ADGRL3: variants seen among roughly 807,000 people sequenced by gnomAD.
ADGRL3 encodes adhesion G protein-coupled receptor L3.
ADGRL3 carries 62 observed loss-of-function variants against 153.5 expected under a neutral mutation model. The ratio of observed to expected loss-of-function variants is 0.40; its 90% CI spans 0.33 to 0.50. The LOEUF (loss-of-function observed/expected upper bound fraction) is 0.50, where lower values mean the gene tolerates loss of function less well. Ranked by LOEUF, ADGRL3 falls within the 20% of genes least tolerant of loss-of-function variation. The pLI is 0.47. For synonymous variants in ADGRL3, 710 were observed against 672.5 expected, an observed-to-expected ratio of 1.06 and a Z score of -0.86; for missense variants, 1,641 against 1,859.4, an observed-to-expected ratio of 0.88 and a Z score of 2.16.
At chr4:61,491,224 C>T (rs1424465493) in intron 2 of ADGRL3, among the ~76,000 whole-genome samples, 4 of 152,136 alleles carry the variant, frequency 2.6e-5, no homozygotes, top group Non-Finnish European at 4.4e-5. Flanking sequence ...TCTGTCACTT[C>T]GTAGGGCATG....
chr4:61,644,793 T>C (rs947131084), intron 5 of ADGRL3, among the ~76,000 whole-genome samples: 4 of 152,200 alleles, frequency 2.6e-5, no homozygotes, highest in Admixed American at 2.0e-4. Flanking sequence ...TGGAGATGTC[T>C]ATTATGTCCG....
At chr4:61,748,741 T>C (rs1423038941) in intron 8 of ADGRL3, among the ~76,000 whole-genome samples, 2 of 152,098 alleles carry the variant, frequency 1.3e-5, no homozygotes, top group Non-Finnish European at 2.9e-5. Flanking sequence ...ATGTTAGACC[T>C]AAAATCATAA....
chr4:61,770,177 T>C (rs2097066526), intron 8 of ADGRL3, among the ~76,000 whole-genome samples: 1 of 152,250 alleles, frequency 6.6e-6, no homozygotes, highest in Admixed American at 6.5e-5. Context: ...ATTGTATTTC[T>C]GGAAAATGGG....
intron 1 of ADGRL3, among the ~76,000 whole-genome samples, chr4:61,230,090 T>C (rs1328921956): frequency 6.6e-6 from 1 of 152,124 alleles, no homozygotes; most frequent in Non-Finnish European, 1.5e-5. Context: ...AGGGTCACCC[T>C]AGCTACAAGG....
At chr4:61,371,267 G>A (rs2096523195) in intron 1 of ADGRL3, among the ~76,000 whole-genome samples, 1 of 151,352 alleles carries the variant, frequency 6.6e-6, no homozygotes, top group Non-Finnish European at 1.5e-5. Context: ...ATTTGATCCT[G>A]TCATTATGAT....
intron 1 of ADGRL3, among the ~76,000 whole-genome samples, chr4:61,371,794 G>A (rs1005504933): frequency 6.6e-6 from 1 of 152,082 alleles, no homozygotes; most frequent in African/African-American, 2.4e-5. Context: ...CTAGATTGGG[G>A]AAATTCTCCT....
chr4:61,717,506 T>C (rs2096145085), intron 6 of ADGRL3, among the ~76,000 whole-genome samples: 1 of 152,174 alleles, frequency 6.6e-6, no homozygotes. Flanking sequence ...GAGCAAGTAA[T>C]TTAATGTCTC....
chr4:61,907,368 C>T (rs1190392295), intron 11 of ADGRL3, among the ~76,000 whole-genome samples: 2 of 152,030 alleles, frequency 1.3e-5, no homozygotes, highest in Non-Finnish European at 2.9e-5. Context: ...AAGCAATTTT[C>T]CTACCTCAGT....
intron 2 of ADGRL3, among the ~76,000 whole-genome samples, chr4:61,491,402 A>C (rs191355140): frequency 6.6e-6 from 1 of 152,270 alleles, no homozygotes; most frequent in Non-Finnish European, 1.5e-5. Context: ...TTAAATTTCT[A>C]AGAAATGCTT....
At chr4:61,355,762 G>A (rs2096152806) in intron 1 of ADGRL3, among the ~76,000 whole-genome samples, 1 of 152,000 alleles carries the variant, frequency 6.6e-6, no homozygotes, top group African/African-American at 2.4e-5. Flanking sequence ...TCCTATGGGA[G>A]TTATAGATCT....
chr4:61,509,638 A>G (rs2098452429), intron 3 of ADGRL3, among the ~76,000 whole-genome samples: 1 of 151,790 alleles, frequency 6.6e-6, no homozygotes. Flanking sequence ...GTATATATAT[A>G]TATATAATTT....
intron 23 of ADGRL3, 35 bp from the exon 24 acceptor site, chr4:62,037,696 T>A (rs374269122): frequency 1.1e-5 from 18 of 1,612,744 alleles, no homozygotes; most frequent in Non-Finnish European, 1.5e-5. Flanking sequence ...TGCAATGAAT[T>A]ACTTGCTAAC....
intron 12 of ADGRL3, among the ~76,000 whole-genome samples, chr4:61,912,355 C>T (rs1029493693): frequency 1.3e-5 from 2 of 152,182 alleles, no homozygotes; most frequent in South Asian, 2.1e-4. Flanking sequence ...ATTTCCTTAA[C>T]TTCATGTCTT....
Position 62,028,089 on chromosome 4 carries a change from G to A in ADGRL3, c.3396-766G>A, listed in dbSNP as rs566068253. On this transcript the variant is annotated intron_variant, in intron 21 of 26. Transcript: ENST00000683033. ...ATCTTGCCTCTGGCAAGAGAGAAGAGAAAGGAACAGTTTCTCTTCTTTCTT... is the reference window on the plus strand; with the variant it reads ...ATCTTGCCTCTGGCAAGAGAGAAGAAAAAGGAACAGTTTCTCTTCTTTCTT... Among the ~76,000 whole-genome samples the A allele has an allele frequency of 9.9e-5, 15 of 151,836 alleles. 1 individual carries two copies. In the East Asian group the frequency reaches 1.2e-3, roughly 12 times the overall value.
intron 8 of ADGRL3, among the ~76,000 whole-genome samples, chr4:61,800,243 G>A (rs1254368644): frequency 2.0e-5 from 3 of 152,106 alleles, no homozygotes; most frequent in Non-Finnish European, 4.4e-5. Context: ...GTATATATGG[G>A]ATATATAGAT....
At chr4:61,681,919 T>C (rs1561055567) in intron 6 of ADGRL3, among the ~76,000 whole-genome samples, 1 of 151,980 alleles carries the variant, frequency 6.6e-6, no homozygotes, top group African/African-American at 2.4e-5. Context: ...TTCCAGTGCC[T>C]TTTTCTGCTT....
chr4:61,393,596 A>G (rs892237746), intron 2 of ADGRL3, among the ~76,000 whole-genome samples: 2 of 152,152 alleles, frequency 1.3e-5, no homozygotes, highest in South Asian at 2.1e-4. Context: ...AGGCTTTATT[A>G]TAAATTATCA....
chr4:61,602,172 C>A (rs978450941), intron 5 of ADGRL3, among the ~76,000 whole-genome samples: 1 of 151,584 alleles, frequency 6.6e-6, no homozygotes, highest in South Asian at 2.1e-4. Context: ...TGTGTAATAA[C>A]CCCATCAAGG....
At chr4:61,922,968 C>T (rs529525316) in intron 13 of ADGRL3, among the ~76,000 whole-genome samples, 52 of 152,290 alleles carry the variant, frequency 3.4e-4, no homozygotes, top group African/African-American at 1.1e-3. Context: ...TACTTCACTT[C>T]GTGCGGATCA....
Sources: allele counts gnomAD v4.1 joint callset (sites outside exome capture counted in the v4.1 genomes callset), GRCh38; gene constraint gnomAD v4.1.1; transcripts MANE v1.5; gene names NCBI Gene and HGNC (gene_info 2026-07-23, HGNC 2026-07-21).